Variants in SOX6 observed in about 807,000 individuals in gnomAD.
The protein encoded by SOX6 is SRY-box transcription factor 6.
SOX6 carries 11 observed loss-of-function variants against 97.8 expected under a neutral mutation model. The ratio of observed to expected loss-of-function variants is 0.11; its 90% CI spans 0.07 to 0.19. SOX6 has a LOEUF of 0.19. Ranked by LOEUF, SOX6 falls within the 10% of genes least tolerant of loss-of-function variation. The pLI, the probability that SOX6 is intolerant of heterozygous loss-of-function variation, is 1.00. For missense variants in SOX6, 810 were observed against 1,039.5 expected (o/e 0.78, Z 3.04); for synonymous variants, 360 against 371.4 (o/e 0.97, Z 0.35).
intron 1 of SOX6, chr11:16,738,392 C>T: frequency 3.7e-6 from 1 of 271,908 alleles, no homozygotes; most frequent in South Asian, 5.3e-5. Flanking sequence ...TAAGCCTCCT[C>T]CTGTGGCGAC....
At chr11:16,004,974 C>A (rs1344168151) in intron 13 of SOX6, among the ~76,000 whole-genome samples, 5 of 151,992 alleles carry the variant, frequency 3.3e-5, no homozygotes, top group African/African-American at 9.7e-5. Context: ...AATTTCCTAG[C>A]ACAGTGACTG....
At chr11:16,348,703 CCATTA>C (rs992093709) in intron 1 of SOX6, among the ~76,000 whole-genome samples, 32 of 152,218 alleles carry the variant, frequency 2.1e-4, no homozygotes, top group African/African-American at 7.2e-4. Flanking sequence ...AGCGCATTTT[CCATTA>C]TAAAAACTTT....
chr11:16,132,673 C>A (rs1444070306), intron 6 of SOX6, among the ~76,000 whole-genome samples: 1 of 151,070 alleles, frequency 6.6e-6, no homozygotes, highest in Non-Finnish European at 1.5e-5. Context: ...ATTCTATATC[C>A]CTCTTGAGCT....
intron 1 of SOX6, among the ~76,000 whole-genome samples, chr11:16,367,236 CT>C (rs1369417381): frequency 6.6e-6 from 1 of 152,158 alleles, no homozygotes; most frequent in Non-Finnish European, 1.5e-5. Flanking sequence ...TTGAAGTATA[CT>C]GTCTTTTTAT....
rs913238370 is a variant in SOX6 at position 16,420,767 on chromosome 11, C to T, written c.-5+55548G>A. Among the ~76,000 whole-genome samples the T allele has an allele frequency of 3.3e-5, 5 of 152,162 alleles. No homozygotes were observed. The East Asian group carries it at 9.6e-4, about 29-fold the overall frequency. On this transcript the variant is annotated intron_variant, in intron 1 of 15. Transcript: ENST00000396356. ...GTCTATTGCTTATTAAGATGTAACT[C>T]ATCCTTTGGGCCAGTCACTGCTTAG...
chr11:16,702,016 A>C (rs1848098729), intron 3 of SOX6, among the ~76,000 whole-genome samples: 1 of 152,222 alleles, frequency 6.6e-6, no homozygotes, highest in Non-Finnish European at 1.5e-5. Context: ...TTTATGATTG[A>C]GATATTCAGA....
chr11:16,516,141 T>A (rs1480798822), intron 4 of SOX6, among the ~76,000 whole-genome samples: 1 of 149,450 alleles, frequency 6.7e-6, no homozygotes. Flanking sequence ...CCTTGGGCAG[T>A]ATGGCCATTT....
At chr11:16,572,322 T>C (rs1189443357) in intron 4 of SOX6, among the ~76,000 whole-genome samples, 2 of 152,220 alleles carry the variant, frequency 1.3e-5, no homozygotes, top group African/African-American at 4.8e-5. Flanking sequence ...TGACATTTTA[T>C]AATCCCAAGA....
chr11:16,548,111 C>G (rs1296012502), intron 4 of SOX6, among the ~76,000 whole-genome samples: 3 of 152,156 alleles, frequency 2.0e-5, no homozygotes, highest in Middle Eastern at 3.4e-3. Context: ...GCTCAAAGAC[C>G]ATAAAACAAC....
chr11:16,485,128 G>T (rs559626621), intron 4 of SOX6, among the ~76,000 whole-genome samples: 3 of 152,230 alleles, frequency 2.0e-5, no homozygotes, highest in Non-Finnish European at 4.4e-5. Flanking sequence ...GTTCACCTCC[G>T]CCAACATGTG....
chr11:15,972,747 A>C lies in SOX6; in HGVS notation c.*62T>G. 1.3e-6 allele frequency: 2 copies of C among 1,576,816 alleles called. No homozygotes were observed. Among genetic ancestry groups the C allele is most frequent in the Non-Finnish European group, 1.7e-6 (2 of 1,146,910 alleles). ...CACAAATGCATGCGGGCTCTTTAAT[A>C]ACTCTTTGTTGGGGAGGGGGGTGAA... On this transcript the variant is annotated 3_prime_UTR_variant, in exon 16 of 16. Coordinates refer to ENST00000683767, the MANE Select transcript of SOX6 (RefSeq NM_001367873.1).
chr11:16,268,562 A>G (rs960151951), intron 3 of SOX6, among the ~76,000 whole-genome samples: 2 of 151,212 alleles, frequency 1.3e-5, no homozygotes, highest in Non-Finnish European at 3.0e-5. Flanking sequence ...GCTTCAAAAT[A>G]TACGTATCAC....
chr11:16,171,540 A>T (rs1477194709), intron 6 of SOX6, among the ~76,000 whole-genome samples: 1 of 152,062 alleles, frequency 6.6e-6, no homozygotes, highest in African/African-American at 2.4e-5. Context: ...TTTAAATAAT[A>T]TCTTTTTTTA....
chr11:16,651,409 C>T (rs1847652206), intron 3 of SOX6, among the ~76,000 whole-genome samples: 1 of 151,986 alleles, frequency 6.6e-6, no homozygotes, highest in Admixed American at 6.6e-5. Context: ...AACAGCATAT[C>T]AAAAAGATAA....
chr11:16,256,685 ATACTGGAAGTCC>A (rs1853700772), intron 3 of SOX6, among the ~76,000 whole-genome samples: 1 of 151,900 alleles, frequency 6.6e-6, no homozygotes, highest in Admixed American at 6.6e-5. Context: ...TTTCAACATC[ATACTGGAAGTCC>A]TAGCTAATGC....
At chr11:16,675,261 T>G (rs770721263) in intron 3 of SOX6, among the ~76,000 whole-genome samples, 3 of 152,234 alleles carry the variant, frequency 2.0e-5, no homozygotes, top group Non-Finnish European at 4.4e-5. Context: ...ATGATCCTCC[T>G]GCTTCAGCCT....
chr11:16,414,725 C>A (rs1446770818), intron 1 of SOX6, among the ~76,000 whole-genome samples: 2 of 152,090 alleles, frequency 1.3e-5, no homozygotes, highest in African/African-American at 4.8e-5. Flanking sequence ...CTACAAGTAG[C>A]TAGGCCTTGA....
At chr11:16,651,698 C>T (rs1847655908) in intron 3 of SOX6, among the ~76,000 whole-genome samples, 1 of 152,052 alleles carries the variant, frequency 6.6e-6, no homozygotes, top group South Asian at 2.1e-4. Context: ...AAAGCATTCC[C>T]CCTGAGAACT....
intron 9 of SOX6, among the ~76,000 whole-genome samples, chr11:16,073,286 G>T (rs776296749): frequency 6.6e-6 from 1 of 151,604 alleles, no homozygotes; most frequent in African/African-American, 2.4e-5. Flanking sequence ...AAAAAGCAGG[G>T]ATTGCTATGC....
Sources: allele counts gnomAD v4.1 joint callset (sites outside exome capture counted in the v4.1 genomes callset), GRCh38; gene constraint gnomAD v4.1.1; transcripts MANE v1.5; gene names NCBI Gene and HGNC (gene_info 2026-07-23, HGNC 2026-07-21).